The following PCDHGA5 variants were observed in gnomAD, a reference collection of about 807,000 sequenced individuals.
The protein encoded by PCDHGA5 is protocadherin gamma-A5.
Under a neutral mutation model 56.7 loss-of-function variants are expected in PCDHGA5, and 36 were observed. The observed-to-expected ratio is 0.64, with a 90% CI of 0.49 to 0.84. PCDHGA5 has a LOEUF of 0.84. Ranked by LOEUF, PCDHGA5 falls within the 40% of genes least tolerant of loss-of-function variation. The pLI is 0.00. For synonymous variants in PCDHGA5, 563 were observed against 520.2 expected, an observed-to-expected ratio of 1.08 and a Z score of -1.12; for missense variants, 1,305 against 1,201.5, an observed-to-expected ratio of 1.09 and a Z score of -1.27.
chr5:141,384,178 G>A, intron 1 of PCDHGA5: 2 of 1,613,788 alleles, frequency 1.2e-6, no homozygotes, highest in Non-Finnish European at 1.7e-6. Flanking sequence ...AGCCACAGAT[G>A]GTGGAACTCC....
At chr5:141,399,147 C>T (rs2093760764) in intron 1 of PCDHGA5, 1 of 1,613,664 alleles carries the variant, frequency 6.2e-7, no homozygotes. Flanking sequence ...ATGACAATAG[C>T]CCAGAAGTTA....
At chr5:141,384,090 A>T in intron 1 of PCDHGA5, 3 of 1,596,410 alleles carry the variant, frequency 1.9e-6, no homozygotes, top group Non-Finnish European at 2.6e-6. Flanking sequence ...TAGAAAAATC[A>T]ATAGATAATT....
intron 1 of PCDHGA5, among the ~76,000 whole-genome samples, chr5:141,425,819 A>C (rs1183860957): frequency 6.6e-6 from 1 of 152,246 alleles, no homozygotes; most frequent in Non-Finnish European, 1.5e-5. Flanking sequence ...TTAGAAAAAA[A>C]CAAACTTTTA....
In PCDHGA5 at chr5:141,431,279, C is replaced by G. The variant is rs1163372308; in HGVS notation, c.2422-63528C>G. Reference sequence around the variant, plus strand: ...CTCTCTGCAGAGCTACGAGCTCAGCCCGAACACTCACTTCTCCCTCATCGT... The same window carrying G: ...CTCTCTGCAGAGCTACGAGCTCAGCGCGAACACTCACTTCTCCCTCATCGT... On this transcript the variant is annotated intron_variant, in intron 1 of 3. Coordinates refer to ENST00000518069, the MANE Select transcript of PCDHGA5 (RefSeq NM_018918.3). This position sits in a 1 kb window ranked among gnomAD's most constrained non-coding sequence, Gnocchi z 4.8. 1 of 1,614,028 alleles carries G rather than the reference C, an allele frequency of 6.2e-7. No individual in the cohort carries two copies. Among genetic ancestry groups the G allele is most frequent in the African/African-American group, 1.3e-5 (1 of 74,926 alleles).
rs1764103284 is a variant in PCDHGA5, at chr5:141,365,764, CCCCG to C, written c.1435_1438del (p.Pro479ThrfsTer38). On this transcript the variant is annotated frameshift_variant, in exon 1 of 4. Coordinates refer to ENST00000518069, the MANE Select transcript of PCDHGA5 (RefSeq NM_018918.3). LOFTEE classifies it high-confidence loss of function. ...CTATCTTCTCTGTGACAGCCCATGA[CCCCG>C]ACAGCGGCGACAACGCTCGAGTCAC... 3 of 1,613,772 alleles carry C rather than the reference CCCCG, an allele frequency of 1.9e-6. No individual in the cohort carries two copies. The highest frequency in any genetic ancestry group is 3.3e-4 in the Middle Eastern group (2 of 6,084).
chr5:141,401,506 C>A (rs2094161695), intron 1 of PCDHGA5, among the ~76,000 whole-genome samples: 1 of 152,126 alleles, frequency 6.6e-6, no homozygotes, highest in Non-Finnish European at 1.5e-5. Flanking sequence ...CCTTTTCCAC[C>A]TCTATATAAT....
intron 1 of PCDHGA5, among the ~76,000 whole-genome samples, chr5:141,396,932 T>C (rs2093455423): frequency 6.6e-6 from 1 of 152,230 alleles, no homozygotes; most frequent in Non-Finnish European, 1.5e-5. Flanking sequence ...CGGATGAAAG[T>C]TGCCCTGGTA....
At position 141,477,415 on chromosome 5, in the gene PCDHGA5, A is replaced by T. The variant is rs771293212; in HGVS notation, c.2422-17392A>T. On this transcript the variant is annotated intron_variant, in intron 1 of 3. Coordinates refer to ENST00000518069, the MANE Select transcript of PCDHGA5 (RefSeq NM_018918.3). This position sits in a 1 kb window ranked among gnomAD's most constrained non-coding sequence, Gnocchi z 4.9. ...TCAGCATCACCGCCCGAGACGCCGG[A>T]ACCCCTTCCCTCTCAGCCCTTACAA... 12 of 1,614,162 alleles carry T rather than the reference A, an allele frequency of 7.4e-6. No individual in the cohort carries two copies. The highest frequency in any genetic ancestry group is 1.0e-5 in the Non-Finnish European group (12 of 1,180,020).
Position 141,485,581 on chromosome 5 carries a change from G to C in PCDHGA5, c.2422-9226G>C. The C allele has an allele frequency of 6.2e-7, 1 of 1,612,458 alleles. No individual in the cohort carries two copies. The highest frequency in any genetic ancestry group is 8.5e-7 in the Non-Finnish European group (1 of 1,178,652). ...ATCACGCCCCCCGTTTTCCGCGGCA[G>C]CAGCTGGACTTGGAAATTGGGGAGG... On this transcript the variant is annotated intron_variant, in intron 1 of 3. Coordinates refer to ENST00000518069, the MANE Select transcript of PCDHGA5 (RefSeq NM_018918.3). This position sits in a 1 kb window ranked among gnomAD's most constrained non-coding sequence, Gnocchi z 5.7.
chr5:141,415,602 A>G (rs1208876851), intron 1 of PCDHGA5: 2 of 1,613,602 alleles, frequency 1.2e-6, no homozygotes, highest in African/African-American at 2.7e-5. Flanking sequence ...AGGATACCCC[A>G]TTGGTTCCAG....
intron 2 of PCDHGA5, among the ~76,000 whole-genome samples, chr5:141,501,136 G>A (rs909142955): frequency 6.6e-6 from 1 of 152,090 alleles, no homozygotes; most frequent in Non-Finnish European, 1.5e-5. Context: ...CTAAGTGCTG[G>A]GATTACAGGT....
Position 141,415,089 on chromosome 5 carries a change from C to T in PCDHGA5, c.2421+48338C>T, listed in dbSNP as rs1159857230. 1.9e-6 allele frequency: 3 copies of T among 1,613,556 alleles called. No individual in the cohort carries two copies. In the South Asian group the frequency reaches 3.3e-5, roughly 18 times the overall value. The stretch of plus-strand genomic sequence containing the variant: ...TGCGCACGGCGCGAGCCCTGCTGGA[C>T]AGAGACGCGCTCAAGCAAAGCCTCG... On this transcript the variant is annotated intron_variant, in intron 1 of 3. Coordinates refer to ENST00000518069, the MANE Select transcript of PCDHGA5 (RefSeq NM_018918.3).
rs1446743849 is a variant in PCDHGA5, at chr5:141,476,288, C to T, written c.2422-18519C>T. The T allele has an allele frequency of 1.3e-5, 21 of 1,613,980 alleles. No individual in the cohort carries two copies. The highest frequency in any genetic ancestry group is 2.2e-5 in the South Asian group (2 of 91,076). On this transcript the variant is annotated intron_variant, in intron 1 of 3. Coordinates refer to ENST00000518069, the MANE Select transcript of PCDHGA5 (RefSeq NM_018918.3). This position sits in a 1 kb window ranked among gnomAD's most constrained non-coding sequence, Gnocchi z 7.6. ...CGTGGTCGCGAACCTTGGTTTGGAT[C>T]TCGGTAGCCTCTCAGCCCGCAGGTT...
chr5:141,368,358 T>C (rs975502354), intron 1 of PCDHGA5, among the ~76,000 whole-genome samples: 9 of 151,988 alleles, frequency 5.9e-5, no homozygotes, highest in African/African-American at 1.9e-4. Flanking sequence ...CACACATATA[T>C]ATACACACAT....
intron 1 of PCDHGA5, chr5:141,371,812 A>G: frequency 6.2e-7 from 1 of 1,613,904 alleles, no homozygotes; most frequent in Non-Finnish European, 8.5e-7. Flanking sequence ...TCCATTGCGC[A>G]TGTCAGAGCC....
At position 141,487,398 on chromosome 5, in the gene PCDHGA5, G is replaced by A. The variant is rs1342197934; in HGVS notation, c.2422-7409G>A. 1.9e-6 allele frequency: 3 copies of A among 1,613,926 alleles called. No individual in the cohort carries two copies. The African/African-American group carries it at 4.0e-5, about 22-fold the overall frequency. ...CTCACCAGATCTCGAAGGAGGGAGGGGCTTCCCCCTTCCAATGGGATCCTC... is the reference window on the plus strand; with the variant it reads ...CTCACCAGATCTCGAAGGAGGGAGGAGCTTCCCCCTTCCAATGGGATCCTC... On this transcript the variant is annotated intron_variant, in intron 1 of 3. Transcript: ENST00000518069. The surrounding 1 kb of genome is among the most constrained non-coding windows in gnomAD (Gnocchi z 5.0).
In PCDHGA5 at chr5:141,413,998, G is replaced by A; in HGVS notation, c.2421+47247G>A. On this transcript the variant is annotated intron_variant, in intron 1 of 3. Transcript: ENST00000518069. The stretch of plus-strand genomic sequence containing the variant: ...GACAGTCACAGCCACCGACAGGGAC[G>A]AAGGTGCCAATGGAGAAGTGACATA... 1 of 1,613,320 alleles carries A rather than the reference G, an allele frequency of 6.2e-7. No individual in the cohort carries two copies. The highest frequency in any genetic ancestry group is 1.6e-4 in the Middle Eastern group (1 of 6,062).
At chr5:141,448,305 A>C (rs910461420) in intron 1 of PCDHGA5, among the ~76,000 whole-genome samples, 1 of 152,092 alleles carries the variant, frequency 6.6e-6, no homozygotes, top group East Asian at 1.9e-4. Context: ...TTAATATCTC[A>C]AGGAATCTTT....
chr5:141,506,177 G>A (rs1024892091), intron 3 of PCDHGA5, among the ~76,000 whole-genome samples: 16 of 152,142 alleles, frequency 1.1e-4, no homozygotes, highest in Admixed American at 4.6e-4. Flanking sequence ...TAAGCTGGGC[G>A]TGGTGGCTCA....
Sources: gnomAD v4.1 joint callset for allele counts (sites outside exome capture counted in the v4.1 genomes callset) on GRCh38, gnomAD v4.1.1 for gene constraint, Gnocchi (gnomAD v3.1) non-coding constraint, MANE v1.5 for transcripts, NCBI Gene and HGNC (gene_info 2026-07-23, HGNC 2026-07-21) for gene names.